The following CAT variants were observed in gnomAD, a reference collection of about 807,000 sequenced individuals.
The protein encoded by CAT is catalase.
A neutral mutation model predicts 59.0 loss-of-function variants in CAT; 43 were observed. The observed-to-expected ratio is 0.73, with a 90% CI of 0.57 to 0.94. The LOEUF is 0.94. CAT is among the 40% of genes least tolerant of loss of function. CAT has a pLI of 0.00. For synonymous variants in CAT, 218 were observed against 230.9 expected, an observed-to-expected ratio of 0.94 and a Z score of 0.51; for missense variants, 664 against 682.9, an observed-to-expected ratio of 0.97 and a Z score of 0.31.
intron 4 of CAT, among the ~76,000 whole-genome samples, chr11:34,452,864 AAAAAG>A (rs1160048618): frequency 6.6e-6 from 1 of 151,986 alleles, no homozygotes; most frequent in Non-Finnish European, 1.5e-5. Context: ...AAAAAAAAAA[AAAAAG>A]AAAAGACTAT....
intron 9 of CAT, 87 bp downstream of exon 9, chr11:34,461,476 C>T: frequency 6.6e-7 from 1 of 1,510,736 alleles, no homozygotes; most frequent in East Asian, 2.3e-5. Flanking sequence ...GGCTCTCAAG[C>T]TGGCCCCGCA....
chr11:34,464,979 C>T (rs187918101), intron 10 of CAT, among the ~76,000 whole-genome samples: 109 of 152,248 alleles, frequency 7.2e-4, no homozygotes, highest in East Asian at 4.8e-3. Flanking sequence ...TCTAGTTAAC[C>T]GCCCCAGGGC....
intron 9 of CAT, among the ~76,000 whole-genome samples, chr11:34,462,132 T>C (rs1856659698): frequency 6.6e-6 from 1 of 152,188 alleles, no homozygotes; most frequent in African/African-American, 2.4e-5. Context: ...TAAAGTTTTT[T>C]CCTTTTACTA....
chr11:34,441,546 C>G (rs1174452130), intron 1 of CAT, among the ~76,000 whole-genome samples: 1 of 152,110 alleles, frequency 6.6e-6, no homozygotes, highest in Non-Finnish European at 1.5e-5. Context: ...TATAACCCTA[C>G]CACTTTTGGA....
At position 34,450,983 on chromosome 11, in the gene CAT, G is replaced by T. The variant is rs34503767; in HGVS notation, c.239-5G>T. 1 of 1,592,784 alleles carries T rather than the reference G, an allele frequency of 6.3e-7. No individual in the cohort carries two copies. Among genetic ancestry groups the T allele is most frequent in the Non-Finnish European group, 8.6e-7 (1 of 1,160,558 alleles). On this transcript the variant is annotated splice_region_variant and splice_polypyrimidine_tract_variant and intron_variant, in intron 2 of 12. Coordinates refer to ENST00000241052, the MANE Select transcript of CAT (RefSeq NM_001752.4). ...TGGTAAGGATTTCTGTGTCTTTCTC[G>T]TTAGGGGCCTTTGGCTACTTTGAGG...
chr11:34,441,408 A>G (rs1856388136), intron 1 of CAT, among the ~76,000 whole-genome samples: 1 of 152,102 alleles, frequency 6.6e-6, no homozygotes, highest in African/African-American at 2.4e-5. Context: ...TGTTCTTTTC[A>G]TTGCTGAGTA....
At chr11:34,467,688 A>G (rs567893689) in intron 10 of CAT, among the ~76,000 whole-genome samples, 9 of 152,320 alleles carry the variant, frequency 5.9e-5, no homozygotes, top group African/African-American at 2.2e-4. Context: ...GCTCGGATTC[A>G]CATATCTGAT....
At chr11:34,457,656 A>G (rs983089112) in intron 8 of CAT, among the ~76,000 whole-genome samples, 10 of 149,750 alleles carry the variant, frequency 6.7e-5, no homozygotes, top group African/African-American at 2.4e-4. Context: ...TATGTTTTAC[A>G]TCACTTTTTA....
chr11:34,457,106 T>G (rs577049615), intron 8 of CAT: 1 of 413,084 alleles, frequency 2.4e-6, no homozygotes, highest in South Asian at 2.6e-5. Context: ...AGAAATACCT[T>G]AAGTATTGAT....
chr11:34,460,446 C>CTTTTTTTTTTT (rs149180752), intron 8 of CAT, among the ~76,000 whole-genome samples: 1 of 84,534 alleles, frequency 1.2e-5, no homozygotes, highest in Non-Finnish European at 2.2e-5. Context: ...GTGGGCGGTA[C>CTTTTTTTTTTT]TTTTTTTTTT....
chr11:34,464,319 C>A, intron 10 of CAT, 84 bp downstream of exon 10: 1 of 1,299,374 alleles, frequency 7.7e-7, no homozygotes, highest in Non-Finnish European at 1.1e-6. Flanking sequence ...CCTGCAAATG[C>A]CCCAACTGTC....
At chr11:34,444,888 GT>G (rs946815228) in intron 1 of CAT, among the ~76,000 whole-genome samples, 6 of 152,162 alleles carry the variant, frequency 3.9e-5, no homozygotes, top group Non-Finnish European at 5.9e-5. Context: ...TCTAATAATT[GT>G]GCTAGTTTTT....
rs777189700 is a variant in CAT, at chr11:34,461,339, G to A, written c.1145G>A (p.Arg382Gln). ...CCTGTGAACTGTCCCTACCGTGCTC[G>A]AGTGGCCAACTACCAGCGTGACGGC... is the stretch of plus-strand genomic sequence containing the variant. ...HIPVNCPYRA[R>Q]VANYQRDGPM... The change falls in exon 9 of 13, where the codon CGA (arginine) becomes CAA (glutamine). Residue 382 changes from arginine to glutamine, a missense_variant. Coordinates refer to ENST00000241052, the MANE Select transcript of CAT (RefSeq NM_001752.4). The A allele has an allele frequency of 3.7e-6, 6 of 1,614,070 alleles. No homozygotes were observed. The highest frequency in any genetic ancestry group is 1.7e-5 in the Admixed American group (1 of 60,012).
intron 1 of CAT, among the ~76,000 whole-genome samples, chr11:34,441,771 G>A (rs755778601): frequency 5.9e-5 from 9 of 152,164 alleles, no homozygotes; most frequent in Non-Finnish European, 1.3e-4. Flanking sequence ...TCTAGCCTGG[G>A]TGACAGAGGG....
In CAT at chr11:34,471,183, A is replaced by G. The variant is rs149138087; in HGVS notation, c.1518+142A>G. On this transcript the variant is annotated intron_variant, in intron 12 of 12. Transcript: ENST00000241052. Reference sequence around the variant, plus strand: ...TTCTTAGGCAGCTGTGCAGAAATTCATTTGAGAGATAAAGAATTCACTGGC... The same window carrying G: ...TTCTTAGGCAGCTGTGCAGAAATTCGTTTGAGAGATAAAGAATTCACTGGC... 1,297 of 914,776 alleles carry G rather than the reference A, an allele frequency of 1.4e-3. 4 individuals carry two copies. The highest frequency in any genetic ancestry group is 3.0e-3 in the Middle Eastern group (12 of 4,008). The allele number at this position is 914,776 out of a possible 1,614,324, so 56.7% of individuals were successfully genotyped here. A position where few individuals can be genotyped will look rare whatever the true frequency, so the allele number is the denominator to read the frequency against.
Position 34,439,140 on chromosome 11 carries a change from A to G in CAT, c.66+61A>G. ...CGTTTAGAAAGCGGGGGCGTCGGCAAGTAAAGGCCCGGCTTCCCCCGGGGC... is the reference window on the plus strand; with the variant it reads ...CGTTTAGAAAGCGGGGGCGTCGGCAGGTAAAGGCCCGGCTTCCCCCGGGGC... On this transcript the variant is annotated intron_variant, in intron 1 of 12. Coordinates refer to ENST00000241052, the MANE Select transcript of CAT (RefSeq NM_001752.4). 3 of 1,467,720 alleles carry G rather than the reference A, an allele frequency of 2.0e-6. No homozygotes were observed. The South Asian group carries it at 3.6e-5, about 18-fold the overall frequency. The allele number at this position is 1,467,720 out of a possible 1,614,324, so 90.9% of individuals were successfully genotyped here.
intron 4 of CAT, among the ~76,000 whole-genome samples, chr11:34,452,690 CA>C (rs1042603957): frequency 6.6e-6 from 1 of 151,678 alleles, no homozygotes; most frequent in Admixed American, 6.6e-5. Context: ...CATATCTCTG[CA>C]AAAAAATACA....
intron 11 of CAT, chr11:34,470,749 A>C (rs972444145): frequency 3.2e-6 from 2 of 624,276 alleles, no homozygotes; most frequent in Admixed American, 2.2e-5. Context: ...TAAGTGACCT[A>C]TCCGAGGTTG....
At chr11:34,458,132 G>A (rs1339518336) in intron 8 of CAT, among the ~76,000 whole-genome samples, 1 of 152,224 alleles carries the variant, frequency 6.6e-6, no homozygotes, top group African/African-American at 2.4e-5. Context: ...TTTCATGAAC[G>A]AGGTAGCATT....
Sources: gnomAD v4.1 joint callset for allele counts (sites outside exome capture counted in the v4.1 genomes callset) on GRCh38, gnomAD v4.1.1 for gene constraint, MANE v1.5 for transcripts, NCBI Gene and HGNC (gene_info 2026-07-23, HGNC 2026-07-21) for gene names.